GEMIN8: variants seen among roughly 807,000 people sequenced by gnomAD.
The protein encoded by GEMIN8 is gem-associated protein 8.
For synonymous variants in GEMIN8, 80 were observed against 78.5 expected, an observed-to-expected ratio of 1.02 and a Z score of -0.10; for missense variants, 185 against 205.9, an observed-to-expected ratio of 0.90 and a Z score of 0.62.
At chrX:13,999,271 ATTTT>A in the GEMIN8 span, among the ~76,000 whole-genome samples, 2 of 88,928 alleles carry the variant, frequency 2.2e-5, no homozygotes. Flanking sequence ...CTGTATGTAG[ATTTT>A]TTTTTTTTTT....
chrX:13,999,889 G>C, the GEMIN8 span, among the ~76,000 whole-genome samples: 1 of 111,864 alleles, frequency 8.9e-6, no homozygotes, highest in Non-Finnish European at 1.9e-5. Flanking sequence ...CTTACGACTG[G>C]TGATGTTGAC....
At chrX:13,986,348 T>C in the GEMIN8 span, among the ~76,000 whole-genome samples, 3 of 112,320 alleles carry the variant, frequency 2.7e-5, no homozygotes, top group Non-Finnish European at 3.8e-5. Flanking sequence ...CAGCTGTAGG[T>C]AACAAAGATT....
intron 4 of GEMIN8, among the ~76,000 whole-genome samples, chrX:14,019,603 G>A (rs1924162608): frequency 8.9e-6 from 1 of 112,088 alleles, no homozygotes; most frequent in East Asian, 2.8e-4. Flanking sequence ...ACAAGTCCTA[G>A]TATACAGAAA....
At chrX:13,997,025 T>G in the GEMIN8 span, among the ~76,000 whole-genome samples, 1 of 93,993 alleles carries the variant, frequency 1.1e-5, no homozygotes, top group Non-Finnish European at 2.0e-5. Flanking sequence ...CACTGCAACC[T>G]CCACCTCCCG....
intron 4 of GEMIN8, chrX:14,013,905 T>C (rs1923733523): frequency 1.4e-6 from 1 of 701,872 alleles, no homozygotes; most frequent in Non-Finnish European, 1.7e-6. Context: ...CATGTATTAT[T>C]AAGGAAAAGC....
chrX:14,025,529 T>C (rs1201426658), intron 2 of GEMIN8, among the ~76,000 whole-genome samples: 1 of 111,594 alleles, frequency 9.0e-6, no homozygotes, highest in Non-Finnish European at 1.9e-5. Context: ...CACTTGGGAA[T>C]CAGTAGACGA....
chrX:13,984,259 T>C, the GEMIN8 span, among the ~76,000 whole-genome samples: 2 of 112,398 alleles, frequency 1.8e-5, no homozygotes, highest in South Asian at 7.4e-4. Flanking sequence ...TATATAGTGC[T>C]TGGACTCCTG....
chrX:14,010,061 C>T (rs1923433304), intron 4 of GEMIN8, among the ~76,000 whole-genome samples: 1 of 111,786 alleles, frequency 8.9e-6, no homozygotes, highest in East Asian at 2.8e-4. Context: ...CTAATCTTCC[C>T]GCTATATCAA....
At chrX:13,992,267 T>C in the GEMIN8 span, among the ~76,000 whole-genome samples, 1 of 112,241 alleles carries the variant, frequency 8.9e-6, no homozygotes, top group Admixed American at 9.5e-5. Context: ...GAGGCCACCA[T>C]TTTCAGGTGG....
the GEMIN8 span, among the ~76,000 whole-genome samples, chrX:14,000,493 A>T: frequency 9.2e-6 from 1 of 109,148 alleles, no homozygotes; most frequent in Non-Finnish European, 1.9e-5. Flanking sequence ...GCTTCTTGGG[A>T]GGCTGAGGCA....
At chrX:13,999,983 T>C in the GEMIN8 span, among the ~76,000 whole-genome samples, 1 of 111,431 alleles carries the variant, frequency 9.0e-6, no homozygotes, top group Non-Finnish European at 1.9e-5. Flanking sequence ...TGTTTGGAAG[T>C]GAGTCACTAG....
chrX:13,997,779 T>C, the GEMIN8 span, among the ~76,000 whole-genome samples: 2 of 108,351 alleles, frequency 1.8e-5, no homozygotes, highest in Non-Finnish European at 3.8e-5. Context: ...ATGCATGCAA[T>C]CCAAGCTACT....
At chrX:14,023,609 C>T (rs1035405673) in intron 2 of GEMIN8, among the ~76,000 whole-genome samples, 7 of 111,501 alleles carry the variant, frequency 6.3e-5, no homozygotes, top group African/African-American at 2.3e-4. Flanking sequence ...AAACTCCTGA[C>T]CTCATGATCC....
chrX:14,002,975 C>A (rs1923025046), downstream of GEMIN8, among the ~76,000 whole-genome samples: 1 of 111,740 alleles, frequency 8.9e-6, no homozygotes, highest in African/African-American at 3.3e-5. Flanking sequence ...TCAGTGACTA[C>A]AACTTCCATC....
chrX:13,984,688 C>CT, the GEMIN8 span, among the ~76,000 whole-genome samples: 2 of 111,767 alleles, frequency 1.8e-5, no homozygotes, highest in African/African-American at 3.3e-5. Flanking sequence ...TCAGTAAATA[C>CT]TTGAGTGGTG....
At chrX:14,011,913 A>C (rs1045027467) in intron 4 of GEMIN8, among the ~76,000 whole-genome samples, 2 of 110,838 alleles carry the variant, frequency 1.8e-5, no homozygotes, top group Admixed American at 9.7e-5. Context: ...CTTATTGTTG[A>C]CATCTGTGAA....
chrX:13,998,234 C>T, the GEMIN8 span, among the ~76,000 whole-genome samples: 1 of 109,826 alleles, frequency 9.1e-6, no homozygotes, highest in African/African-American at 3.3e-5. Context: ...GCAACCACAC[C>T]TGGCTAATTT....
At chrX:14,009,251 C>CTGGCCA in intron 4 of GEMIN8, 82 bp from the exon 5 acceptor site, 1 of 963,796 alleles carries the variant, frequency 1.0e-6, no homozygotes, top group Non-Finnish European at 1.5e-6. Context: ...GCTGCTGCTG[C>CTGGCCA]TGGCCATGCC....
chrX:13,989,846 TC>T, the GEMIN8 span, among the ~76,000 whole-genome samples: 24 of 112,768 alleles, frequency 2.1e-4, no homozygotes, highest in Admixed American at 9.3e-4. Context: ...CACACATAGA[TC>T]CCACACACAG....
Sources: allele counts gnomAD v4.1 joint callset (sites outside exome capture counted in the v4.1 genomes callset), GRCh38; gene constraint gnomAD v4.1.1; transcripts MANE v1.5; gene names NCBI Gene and HGNC (gene_info 2026-07-23, HGNC 2026-07-21).